DNAH3: variants seen among roughly 807,000 people sequenced by gnomAD.
DNAH3 encodes axonemal beta dynein heavy chain 3.
In DNAH3, 332 loss-of-function variants were observed where a neutral mutation model predicts 432.5. The observed-to-expected ratio is 0.77, with a 90% CI of 0.70 to 0.84. DNAH3 has a LOEUF of 0.84. Ranked by LOEUF, DNAH3 falls within the 40% of genes least tolerant of loss-of-function variation. The pLI is 0.00. For synonymous variants in DNAH3, 1,956 were observed against 1,900.2 expected (o/e 1.03, Z -0.76); for missense variants, 4,861 against 5,114.0 (o/e 0.95, Z 1.51).
chr16:20,992,564 TCTC>T (rs1453138669), intron 44 of DNAH3, among the ~76,000 whole-genome samples: 1 of 152,330 alleles, frequency 6.6e-6, no homozygotes, highest in East Asian at 1.9e-4. Context: ...GCCAGGTCGA[TCTC>T]CTGACCTCGT....
chr16:20,979,625 A>G (rs2152656590), intron 49 of DNAH3, 79 bp from the exon 50 acceptor site: 2 of 1,315,340 alleles, frequency 1.5e-6, no homozygotes, highest in Non-Finnish European at 2.2e-6. Context: ...TATAGACATG[A>G]GGATATGAGA....
At chr16:20,981,968 T>C (rs2085921511) in intron 49 of DNAH3, among the ~76,000 whole-genome samples, 1 of 147,010 alleles carries the variant, frequency 6.8e-6, no homozygotes, top group African/African-American at 2.5e-5. Flanking sequence ...ATATTATATA[T>C]AATAAAGCAT....
chr16:20,989,964 C>T (rs1031637489), intron 44 of DNAH3, among the ~76,000 whole-genome samples: 2 of 152,230 alleles, frequency 1.3e-5, no homozygotes, highest in Non-Finnish European at 1.5e-5. Flanking sequence ...CACGCCCACC[C>T]GGAACTCCAG....
In DNAH3 at chr16:20,988,142, C is replaced by T. The variant is rs4783517; in HGVS notation, c.6602-77G>A. ...ACTGTCTGTGACCCTAGGATGCACA[C>T]GAGGTGGCTTTGCCTTCTGCCTTCA... On this transcript the variant is annotated intron_variant, in intron 44 of 61. Transcript: ENST00000261383. The T allele has an allele frequency of 3.8e-6, 6 of 1,577,514 alleles. No individual in the cohort carries two copies. In the African/African-American group the frequency reaches 5.4e-5, roughly 14 times the overall value.
intron 58 of DNAH3, among the ~76,000 whole-genome samples, 187 bp from the exon 59 acceptor site, chr16:20,941,730 G>A (rs1372033718): frequency 2.0e-5 from 3 of 150,692 alleles, no homozygotes; most frequent in African/African-American, 7.5e-5. Context: ...CACCAGCCTT[G>A]GGGAGGGCAT....
intron 19 of DNAH3, among the ~76,000 whole-genome samples, chr16:21,084,519 A>G (rs560726004): frequency 6.6e-6 from 1 of 152,136 alleles, no homozygotes; most frequent in Admixed American, 6.6e-5. Context: ...GGGGTTTTGC[A>G]GTGTTGGCCC....
intron 44 of DNAH3, among the ~76,000 whole-genome samples, chr16:20,996,625 AT>A (rs1232935431): frequency 6.6e-6 from 1 of 152,022 alleles, no homozygotes; most frequent in African/African-American, 2.4e-5. Flanking sequence ...AGCCCAGCTA[AT>A]TTTTTTATTT....
intron 25 of DNAH3, 147 bp from the exon 26 acceptor site, chr16:21,060,503 G>C: frequency 2.1e-6 from 1 of 467,500 alleles, no homozygotes; most frequent in Non-Finnish European, 3.7e-6. Flanking sequence ...CTGTCTCCCC[G>C]TTCTTTTTTT....
chr16:21,050,497 G>A (rs1051386222), intron 29 of DNAH3, among the ~76,000 whole-genome samples: 1 of 152,146 alleles, frequency 6.6e-6, no homozygotes, highest in Non-Finnish European at 1.5e-5. Context: ...GGAGTGCAGA[G>A]GCATGGTCAC....
chr16:21,026,700 CAAAAAAAA>C lies in DNAH3; in HGVS notation c.5540+319_5540+326del, dbSNP rs35667454. On this transcript the variant is annotated intron_variant, in intron 38 of 61. Coordinates refer to ENST00000261383, the Ensembl canonical transcript of DNAH3. ...TGGGTGACAGAGTGATACTCCGTCT[CAAAAAAAA>C]AAAAAAAAAAAAAAAGAAGGAAATG... Among the ~76,000 whole-genome samples the C allele has an allele frequency of 7.4e-3, 355 of 47,796 alleles. 1 individual carries two copies. The highest frequency in any genetic ancestry group is 0.026 in the African/African-American group (344 of 13,426). 31.4% of individuals were successfully genotyped at this position (47,796 alleles called of 152,430 possible).
chr16:21,127,842 G>C, intron 7 of DNAH3, 30 bp from the exon 9 acceptor site: 1 of 1,613,044 alleles, frequency 6.2e-7, no homozygotes, highest in South Asian at 1.1e-5. Context: ...AATTTCCTAA[G>C]CTAAAGAACG....
intron 56 of DNAH3, among the ~76,000 whole-genome samples, chr16:20,951,734 C>T (rs35696160): frequency 0.024 from 3,524 of 147,306 alleles, 164 homozygotes; most frequent in African/African-American, 0.085. Context: ...TGCGCCTGGC[C>T]CGTATTTTTT....
At chr16:21,002,406 G>A (rs565418694) in intron 42 of DNAH3, among the ~76,000 whole-genome samples, 6 of 151,806 alleles carry the variant, frequency 4.0e-5, no homozygotes, top group African/African-American at 1.4e-4. Context: ...CTTTTTTGCT[G>A]AGATAACTGA....
At chr16:20,943,955 G>C (rs2083926891) in intron 58 of DNAH3, among the ~76,000 whole-genome samples, 1 of 151,424 alleles carries the variant, frequency 6.6e-6, no homozygotes, top group Admixed American at 6.6e-5. Flanking sequence ...CTGCGCTCCA[G>C]CCTAGGTAAC....
intron 55 of DNAH3, among the ~76,000 whole-genome samples, chr16:20,953,444 C>T (rs1225815659): frequency 6.6e-6 from 1 of 152,158 alleles, no homozygotes; most frequent in East Asian, 1.9e-4. Context: ...CAGGTGTGAA[C>T]CATCGCGCCC....
chr16:21,008,484 C>T (rs2087426852), intron 41 of DNAH3, among the ~76,000 whole-genome samples: 1 of 152,172 alleles, frequency 6.6e-6, no homozygotes, highest in Admixed American at 6.5e-5. Context: ...GTCCATCTCA[C>T]TCCCATCCTA....
At chr16:21,137,395 A>G (rs1387608342) in intron 5 of DNAH3, among the ~76,000 whole-genome samples, 1 of 150,182 alleles carries the variant, frequency 6.7e-6, no homozygotes, top group Non-Finnish European at 1.5e-5. Context: ...GGGAAAAATA[A>G]CCCCAAAGTC....
intron 22 of DNAH3, 131 bp from the exon 23 acceptor site, chr16:21,069,725 A>G (rs1182013904): frequency 1.3e-6 from 1 of 771,024 alleles, no homozygotes; most frequent in African/African-American, 1.8e-5. Context: ...ACAAATACTT[A>G]TTGAGGGCTC....
intron 26 of DNAH3, 104 bp downstream of exon 26, chr16:21,060,159 GT>G: frequency 1.1e-6 from 1 of 874,542 alleles, no homozygotes; most frequent in Non-Finnish European, 1.9e-6. Flanking sequence ...ACAGGTTTTG[GT>G]AGAAAGCAGA....
Sources: gnomAD v4.1 joint callset for allele counts (sites outside exome capture counted in the v4.1 genomes callset) on GRCh38, gnomAD v4.1.1 for gene constraint, MANE v1.5 for transcripts, NCBI Gene and HGNC (gene_info 2026-07-23, HGNC 2026-07-21) for gene names.